The following EIF3H variants were observed in gnomAD, a reference collection of about 807,000 sequenced individuals.
The protein encoded by EIF3H is eukaryotic translation initiation factor 3 subunit H.
EIF3H carries 26 observed loss-of-function variants against 44.2 expected under a neutral mutation model. The ratio of observed to expected loss-of-function variants is 0.59; its 90% confidence interval spans 0.43 to 0.82. The LOEUF is 0.82. Among genes scored for constraint, EIF3H ranks in the 40% least tolerant of loss-of-function variants. The pLI is 0.00. For missense variants in EIF3H, 359 were observed against 432.8 expected (o/e 0.83, Z 1.51); for synonymous variants, 166 against 151.9 (o/e 1.09, Z -0.68).
intron 2 of EIF3H, among the ~76,000 whole-genome samples, chr8:116,678,372 GCCCCCC>G (rs1312819204): frequency 6.7e-6 from 1 of 150,122 alleles, no homozygotes; most frequent in African/African-American, 2.4e-5. Context: ...GCCTGCCTTG[GCCCCCC>G]AAAGTGCCGA....
chr8:116,762,493 G>A (rs546270434), intron 1 of EIF3H, among the ~76,000 whole-genome samples: 2 of 152,308 alleles, frequency 1.3e-5, no homozygotes, highest in South Asian at 4.1e-4. Context: ...CAGGGAGTAG[G>A]AAGGAAGGAG....
chr8:116,698,366 G>A (rs186618046), intron 2 of EIF3H, among the ~76,000 whole-genome samples: 1 of 152,192 alleles, frequency 6.6e-6, no homozygotes, highest in East Asian at 1.9e-4. Context: ...TGTCACTCAT[G>A]AATGAAAATT....
intron 1 of EIF3H, among the ~76,000 whole-genome samples, chr8:116,747,879 G>T (rs1425481599): frequency 6.6e-6 from 1 of 152,196 alleles, no homozygotes; most frequent in South Asian, 2.1e-4. Flanking sequence ...GGAGGCCAAG[G>T]TGGGTGGGTC....
At chr8:116,729,300 A>C (rs189118197) in intron 1 of EIF3H, among the ~76,000 whole-genome samples, 1 of 152,212 alleles carries the variant, frequency 6.6e-6, no homozygotes, top group African/African-American at 2.4e-5. Flanking sequence ...CAGTTTCATA[A>C]AGAAGCCAGA....
chr8:116,682,217 G>C (rs1814002030), intron 2 of EIF3H, among the ~76,000 whole-genome samples: 1 of 152,198 alleles, frequency 6.6e-6, no homozygotes, highest in African/African-American at 2.4e-5. Context: ...AGAAAGATGA[G>C]AAGATTGCTT....
chr8:116,722,603 T>A (rs1307834081), intron 2 of EIF3H, among the ~76,000 whole-genome samples: 2 of 152,236 alleles, frequency 1.3e-5, no homozygotes, highest in Non-Finnish European at 2.9e-5. Flanking sequence ...TATATTTTTT[T>A]AAATTTCACA....
chr8:116,739,645 G>A (rs938084499), intron 1 of EIF3H, among the ~76,000 whole-genome samples: 5 of 152,198 alleles, frequency 3.3e-5, no homozygotes, highest in African/African-American at 1.2e-4. Flanking sequence ...GCGAGACTCC[G>A]TCTCAGAAAA....
intron 1 of EIF3H, among the ~76,000 whole-genome samples, 175 bp downstream of exon 1, chr8:116,755,491 G>A (rs949963111): frequency 4.6e-5 from 7 of 152,064 alleles, no homozygotes; most frequent in Non-Finnish European, 8.8e-5. Flanking sequence ...GAAGACAAGA[G>A]AAGGCTGTCG....
intron 2 of EIF3H, among the ~76,000 whole-genome samples, chr8:116,680,843 TAAATAAA>T (rs1164732592): frequency 9.1e-5 from 3 of 32,980 alleles, no homozygotes; most frequent in Non-Finnish European, 2.1e-4. Context: ...TAATAATAAA[TAAATAAA>T]AAAAAAGAAA....
chr8:116,740,358 A>G (rs1435985623), intron 1 of EIF3H, among the ~76,000 whole-genome samples: 3 of 152,214 alleles, frequency 2.0e-5, no homozygotes, highest in Non-Finnish European at 4.4e-5. Flanking sequence ...GTAGTTGAGA[A>G]GAGCAAGAAA....
chr8:116,757,275 TGAGA>T (rs200065010), upstream of EIF3H, among the ~76,000 whole-genome samples: 8 of 148,840 alleles, frequency 5.4e-5, no homozygotes, highest in African/African-American at 2.0e-4. Context: ...GAGGTACAAC[TGAGA>T]GAGAGAGAGA....
intron 6 of EIF3H, among the ~76,000 whole-genome samples, chr8:116,647,292 G>A (rs1329651130): frequency 6.6e-6 from 1 of 152,012 alleles, no homozygotes; most frequent in Non-Finnish European, 1.5e-5. Flanking sequence ...AGTACAGACA[G>A]GATTTTACCA....
intron 2 of EIF3H, among the ~76,000 whole-genome samples, chr8:116,680,334 G>A (rs1384927935): frequency 5.8e-5 from 3 of 52,148 alleles, no homozygotes; most frequent in Admixed American, 1.5e-4. Context: ...TGTGCCCAGC[G>A]GCTCATTGGG....
chr8:116,758,371 T>A (rs1057459800), upstream of EIF3H, among the ~76,000 whole-genome samples: 1 of 152,132 alleles, frequency 6.6e-6, no homozygotes, highest in Non-Finnish European at 1.5e-5. Flanking sequence ...AAAAATCTCA[T>A]AGAGCTGAAA....
chr8:116,693,278 T>G (rs190929169), intron 2 of EIF3H, among the ~76,000 whole-genome samples: 2 of 152,230 alleles, frequency 1.3e-5, no homozygotes, highest in Non-Finnish European at 2.9e-5. Flanking sequence ...TAAGTATCAT[T>G]TGACATCAGA....
intron 1 of EIF3H, among the ~76,000 whole-genome samples, chr8:116,761,034 T>C (rs1815514655): frequency 6.6e-6 from 1 of 152,248 alleles, no homozygotes; most frequent in South Asian, 2.1e-4. Flanking sequence ...TGTGAACTTC[T>C]CTATCAGTTT....
intron 1 of EIF3H, among the ~76,000 whole-genome samples, chr8:116,764,568 T>C (rs866055950): frequency 6.6e-6 from 1 of 152,250 alleles, no homozygotes; most frequent in Non-Finnish European, 1.5e-5. Flanking sequence ...TCAATACTTA[T>C]TCTGAATCAG....
intron 2 of EIF3H, among the ~76,000 whole-genome samples, chr8:116,664,439 A>C (rs924546289): frequency 6.6e-6 from 1 of 152,256 alleles, no homozygotes; most frequent in Non-Finnish European, 1.5e-5. Context: ...CCTGAAGATC[A>C]CTGGAAAGGA....
upstream of EIF3H, chr8:116,756,031 G>A (rs1435824331): frequency 1.3e-6 from 2 of 1,533,522 alleles, no homozygotes; most frequent in South Asian, 1.2e-5. Flanking sequence ...TAAGATGAAA[G>A]TAAACTTTTT....
Sources: allele counts gnomAD v4.1 joint callset (sites outside exome capture counted in the v4.1 genomes callset), GRCh38; gene constraint gnomAD v4.1.1; transcripts MANE v1.5; gene names NCBI Gene and HGNC (gene_info 2026-07-23, HGNC 2026-07-21).